The following RTL4 variants were observed in gnomAD, a reference collection of about 807,000 sequenced individuals.
RTL4 encodes retrotransposon Gag-like protein 4.
A neutral mutation model predicts 5.3 loss-of-function variants in RTL4; 4 were observed. The observed-to-expected ratio is 0.75, with a 90% CI of 0.37 to 1.72. The LOEUF (loss-of-function observed/expected upper bound fraction) is 1.72. RTL4 is among the 40% of genes most tolerant of loss of function. RTL4 has a pLI of 0.04. For missense variants in RTL4, 260 were observed against 227.1 expected (o/e 1.14, Z -0.93); for synonymous variants, 98 against 87.3 (o/e 1.12, Z -0.68).
the RTL4 span, among the ~76,000 whole-genome samples, chrX:112,269,671 C>G: frequency 8.9e-6 from 1 of 112,010 alleles, no homozygotes; most frequent in Non-Finnish European, 1.9e-5. Flanking sequence ...AAGACTGGGC[C>G]TAACCACAGG....
At chrX:112,150,102 A>G in the RTL4 span, among the ~76,000 whole-genome samples, 1 of 111,616 alleles carries the variant, frequency 9.0e-6, no homozygotes, top group Non-Finnish European at 1.9e-5. Flanking sequence ...TGGTGGGAGC[A>G]GCATGAGCCA....
chrX:112,377,855 C>A, the RTL4 span, among the ~76,000 whole-genome samples: 1 of 111,882 alleles, frequency 8.9e-6, no homozygotes, highest in Non-Finnish European at 1.9e-5. Flanking sequence ...TTAGACCCCA[C>A]GTGTTTTAGT....
chrX:112,104,252 G>T, the RTL4 span, among the ~76,000 whole-genome samples: 1 of 112,027 alleles, frequency 8.9e-6, no homozygotes, highest in African/African-American at 3.2e-5. Context: ...TTGCTGAATA[G>T]TATTCCATTG....
chrX:112,438,191 T>G, the RTL4 span, among the ~76,000 whole-genome samples: 55,229 of 109,525 alleles, frequency 0.5, 10,922 homozygotes, highest in African/African-American at 0.72. Context: ...CAAAATATCA[T>G]CTGTGGCTGT....
chrX:112,275,027 T>C, the RTL4 span, among the ~76,000 whole-genome samples: 1 of 110,570 alleles, frequency 9.0e-6, no homozygotes, highest in Non-Finnish European at 1.9e-5. Flanking sequence ...CACAGAGAAA[T>C]AGGGAATTTA....
At chrX:112,296,776 A>AT in the RTL4 span, among the ~76,000 whole-genome samples, 3,824 of 96,856 alleles carry the variant, frequency 0.039, 85 homozygotes, top group African/African-American at 0.063. Context: ...CGCCCAGCTA[A>AT]TTTTTTTTTT....
the RTL4 span, among the ~76,000 whole-genome samples, chrX:112,431,719 GTTC>G: frequency 4.5e-5 from 5 of 110,473 alleles, no homozygotes; most frequent in African/African-American, 1.6e-4. Flanking sequence ...GGCCTGAGTG[GTTC>G]TTTTTTTTTA....
the RTL4 span, among the ~76,000 whole-genome samples, chrX:112,198,370 G>A: frequency 9.0e-6 from 1 of 111,345 alleles, no homozygotes; most frequent in Admixed American, 9.6e-5. Context: ...AAAATGGTAC[G>A]TGTCATATAG....
chrX:112,394,907 C>A, the RTL4 span, among the ~76,000 whole-genome samples: 3,597 of 111,795 alleles, frequency 0.032, 150 homozygotes, highest in African/African-American at 0.11. Context: ...CTATTGCTAC[C>A]TTAATACTTT....
chrX:112,120,218 C>G, the RTL4 span, among the ~76,000 whole-genome samples: 4 of 111,842 alleles, frequency 3.6e-5, no homozygotes, highest in African/African-American at 1.3e-4. Flanking sequence ...GGTGGAAAAG[C>G]CTGCGTTACA....
chrX:112,423,691 A>G, the RTL4 span, among the ~76,000 whole-genome samples: 2 of 111,399 alleles, frequency 1.8e-5, no homozygotes, highest in East Asian at 2.8e-4. Context: ...GGATGTTTCT[A>G]GTTTCCTAGG....
chrX:112,324,305 G>A, the RTL4 span, among the ~76,000 whole-genome samples: 1 of 112,093 alleles, frequency 8.9e-6, no homozygotes, highest in Admixed American at 9.5e-5. Context: ...CATGGATTTT[G>A]TTGATTATTT....
the RTL4 span, among the ~76,000 whole-genome samples, chrX:112,389,682 T>A: frequency 9.0e-6 from 1 of 111,441 alleles, no homozygotes; most frequent in African/African-American, 3.3e-5. Flanking sequence ...AGGAGCATGT[T>A]GTTTAATTTC....
chrX:112,441,381 T>A, the RTL4 span, among the ~76,000 whole-genome samples: 1 of 111,526 alleles, frequency 9.0e-6, no homozygotes, highest in Non-Finnish European at 1.9e-5. Flanking sequence ...CTACCCCCGA[T>A]TAAGCTTTTC....
At chrX:112,148,934 T>G in the RTL4 span, among the ~76,000 whole-genome samples, 1 of 111,430 alleles carries the variant, frequency 9.0e-6, no homozygotes, top group African/African-American at 3.3e-5. Flanking sequence ...GGACCTCAGG[T>G]AGAGGGAGTG....
At chrX:112,226,990 A>T in the RTL4 span, among the ~76,000 whole-genome samples, 2 of 5,821 alleles carry the variant, frequency 3.4e-4, no homozygotes, top group African/African-American at 4.1e-4. Flanking sequence ...AAAATAAAAC[A>T]AAATAAAATA....
chrX:112,144,527 C>T, the RTL4 span, among the ~76,000 whole-genome samples: 6 of 111,316 alleles, frequency 5.4e-5, no homozygotes, highest in Non-Finnish European at 1.1e-4. Flanking sequence ...AAGGAAAAAA[C>T]GTAGGCTGCC....
At chrX:112,336,892 A>C in the RTL4 span, among the ~76,000 whole-genome samples, 1 of 112,699 alleles carries the variant, frequency 8.9e-6, no homozygotes, top group East Asian at 2.8e-4. Flanking sequence ...AACCAGAGAT[A>C]ATACATAAAT....
the RTL4 span, among the ~76,000 whole-genome samples, chrX:112,358,255 C>G: frequency 9.4e-6 from 1 of 106,275 alleles, no homozygotes; most frequent in Non-Finnish European, 1.9e-5. Context: ...CATGTGCCAC[C>G]ATGGCCAGTT....
Sources: allele counts gnomAD v4.1 joint callset (sites outside exome capture counted in the v4.1 genomes callset), GRCh38; gene constraint gnomAD v4.1.1; transcripts MANE v1.5; gene names NCBI Gene and HGNC (gene_info 2026-07-23, HGNC 2026-07-21).